Variants in PLCL2 observed in about 807,000 individuals in gnomAD.
The protein encoded by PLCL2 is phospholipase C like 2, also known as inactive phospholipase C-like protein 2.
In PLCL2, 4 loss-of-function variants were observed where a neutral mutation model predicts 79.6. That is an observed-to-expected ratio of 0.05 (90% confidence interval 0.02 to 0.11). The LOEUF is 0.11. Ranked by LOEUF, PLCL2 falls within the 10% of genes least tolerant of loss-of-function variation. The probability of loss-of-function intolerance (pLI) is 1.00; values close to 1 mark genes in which losing one functional copy is unlikely to be tolerated. For missense variants in PLCL2, 895 were observed against 1,291.0 expected, an observed-to-expected ratio of 0.69 and a Z score of 4.70; for synonymous variants, 484 against 457.7, an observed-to-expected ratio of 1.06 and a Z score of -0.73.
At chr3:16,898,823 C>T (rs1422583428) in intron 1 of PLCL2, among the ~76,000 whole-genome samples, 2 of 152,222 alleles carry the variant, frequency 1.3e-5, no homozygotes, top group Non-Finnish European at 2.9e-5. Flanking sequence ...CACTTAAAAC[C>T]TTTCCACACC....
At chr3:17,067,269 A>C (rs769378225) in intron 4 of PLCL2, among the ~76,000 whole-genome samples, 1 of 152,216 alleles carries the variant, frequency 6.6e-6, no homozygotes, top group Non-Finnish European at 1.5e-5. Flanking sequence ...TGGTGTGATT[A>C]GGAATTAAGA....
chr3:16,890,638 C>T lies in PLCL2; in HGVS notation c.327+5272C>T, dbSNP rs376940253. Reference sequence around the variant, plus strand: ...AGTTATTTACTTATCTACCAGACTTCTGGATTACTTTAACTTCTTTTCTGT... The same window carrying T: ...AGTTATTTACTTATCTACCAGACTTTTGGATTACTTTAACTTCTTTTCTGT... On this transcript the variant is annotated intron_variant, in intron 1 of 5. Transcript: ENST00000615277. Among the ~76,000 whole-genome samples, 8 of 152,216 alleles carry T rather than the reference C, an allele frequency of 5.3e-5. No individual in the cohort carries two copies. The East Asian group carries it at 7.7e-4, about 15-fold the overall frequency.
At chr3:17,072,957 T>C (rs892667353) in intron 5 of PLCL2, among the ~76,000 whole-genome samples, 1 of 152,146 alleles carries the variant, frequency 6.6e-6, no homozygotes, top group Non-Finnish European at 1.5e-5. Context: ...TTCTCAGAGT[T>C]TGTAAAATGT....
intron 1 of PLCL2, among the ~76,000 whole-genome samples, chr3:16,944,847 C>T (rs1192008482): frequency 4.0e-5 from 6 of 151,878 alleles, no homozygotes; most frequent in Admixed American, 6.6e-5. Context: ...GGAACCTCCA[C>T]CTCCTGGGTT....
chr3:16,946,953 C>CATTTTTTTTTTT (rs2063606039), intron 1 of PLCL2, among the ~76,000 whole-genome samples: 1 of 95,444 alleles, frequency 1.0e-5, no homozygotes, highest in African/African-American at 4.3e-5. Flanking sequence ...AAGTTTCATT[C>CATTTTTTTTTTT]TTTTTTTTTT....
intron 5 of PLCL2, among the ~76,000 whole-genome samples, chr3:17,072,131 G>C (rs2065065853): frequency 1.3e-5 from 2 of 152,046 alleles, no homozygotes; most frequent in South Asian, 4.1e-4. Flanking sequence ...CTGACTGATA[G>C]AATTCTAATA....
At chr3:17,022,813 A>G (rs1413403791) in intron 3 of PLCL2, among the ~76,000 whole-genome samples, 1 of 152,200 alleles carries the variant, frequency 6.6e-6, no homozygotes, top group Non-Finnish European at 1.5e-5. Context: ...ATCCCAGGTG[A>G]AAAAGAAAAT....
intron 1 of PLCL2, among the ~76,000 whole-genome samples, chr3:16,991,988 G>T (rs2124996319): frequency 6.6e-6 from 1 of 152,256 alleles, no homozygotes; most frequent in South Asian, 2.1e-4. Context: ...TAAGTGCCAT[G>T]AGCCACAGAC....
In PLCL2 at chr3:16,971,813, T is replaced by G. The variant is rs550269623; in HGVS notation, c.328-37861T>G. Among the ~76,000 whole-genome samples the G allele has an allele frequency of 1.5e-4, 23 of 152,342 alleles. 1 individual carries two copies. In the South Asian group the frequency reaches 4.3e-3, roughly 29 times the overall value. On this transcript the variant is annotated intron_variant, in intron 1 of 5. Coordinates refer to ENST00000615277, the MANE Select transcript of PLCL2 (RefSeq NM_001144382.2). Reference sequence around the variant, plus strand: ...GGTATTTTATTCTCTTTGAAGCAATTGTGAATGGGAGTTCACTCATGATTT... The same window carrying G: ...GGTATTTTATTCTCTTTGAAGCAATGGTGAATGGGAGTTCACTCATGATTT...
chr3:17,010,472 A>G lies in PLCL2; in HGVS notation c.1126A>G (p.Ile376Val), dbSNP rs2064309601. 1.2e-6 allele frequency: 2 copies of G among 1,614,140 alleles called. No homozygotes were observed. The highest frequency in any genetic ancestry group is 1.1e-5 in the South Asian group (1 of 91,076). ...TGAGGCAGAACAGGGTGTGGCACAT[A>G]TAAATGAGGAAATAAGCCTTGAAAT... ...FLEAEQGVAH[I>V]NEEISLEIIH... Residue 376 changes from isoleucine (I) to valine (V), a missense_variant, in exon 2 of 6, where the codon ATA becomes GTA. By Grantham distance (29) the Ile-to-Val change is conservative. Transcript: ENST00000615277. This position sits in a 1 kb window ranked among gnomAD's most constrained non-coding sequence, Gnocchi z 5.8.
chr3:16,999,963 G>T (rs1008925734), intron 1 of PLCL2, among the ~76,000 whole-genome samples: 3 of 152,104 alleles, frequency 2.0e-5, no homozygotes, highest in Non-Finnish European at 4.4e-5. Context: ...CTTAGGAAGT[G>T]ATAATCTTCC....
intron 1 of PLCL2, among the ~76,000 whole-genome samples, chr3:16,999,010 GGTC>G (rs200798780): frequency 0.01 from 1,527 of 152,238 alleles, 30 homozygotes; most frequent in African/African-American, 0.035. Flanking sequence ...CTTTGAGTGA[GGTC>G]ATTTGATCAT....
At chr3:17,072,490 G>A (rs1258426443) in intron 5 of PLCL2, among the ~76,000 whole-genome samples, 3 of 151,920 alleles carry the variant, frequency 2.0e-5, no homozygotes, top group South Asian at 2.1e-4. Context: ...CCAACATGAC[G>A]AAACCCCGTC....
At chr3:16,946,972 T>TTTTTTTTTTC (rs2063606747) in intron 1 of PLCL2, among the ~76,000 whole-genome samples, 1 of 147,532 alleles carries the variant, frequency 6.8e-6, no homozygotes, top group Non-Finnish European at 1.5e-5. Flanking sequence ...TTTTTTTTTT[T>TTTTTTTTTTC]TGAGACAGAG....
At chr3:16,919,212 C>G (rs1384175083) in intron 1 of PLCL2, among the ~76,000 whole-genome samples, 1 of 151,980 alleles carries the variant, frequency 6.6e-6, no homozygotes, top group African/African-American at 2.4e-5. Flanking sequence ...TTTAATAGTG[C>G]CTTTATATAC....
chr3:16,929,835 G>A (rs1472477383), intron 1 of PLCL2, among the ~76,000 whole-genome samples: 2 of 152,240 alleles, frequency 1.3e-5, no homozygotes, highest in African/African-American at 4.8e-5. Context: ...CTAGTGAATA[G>A]CTGGCATGCA....
rs143445792 is a variant in PLCL2, at chr3:16,988,724, C to T, written c.328-20950C>T. Among the ~76,000 whole-genome samples, 765 of 152,132 alleles carry T rather than the reference C, an allele frequency of 5.0e-3. 8 individuals carry two copies. Among genetic ancestry groups the T allele is most frequent in the African/African-American group, 0.017 (702 of 41,472 alleles). On this transcript the variant is annotated intron_variant, in intron 1 of 5. Coordinates refer to ENST00000615277, the MANE Select transcript of PLCL2 (RefSeq NM_001144382.2). ...CCTGACTGAGCAAGCTGATTTGTAT[C>T]AACTAGGTAGCTGAAAGTGAAATGT...
At chr3:16,940,531 C>T (rs368132769) in intron 1 of PLCL2, among the ~76,000 whole-genome samples, 55 of 152,216 alleles carry the variant, frequency 3.6e-4, no homozygotes, top group Admixed American at 1.2e-3. Flanking sequence ...AACTACCTAT[C>T]GGATACTGTG....
intron 1 of PLCL2, among the ~76,000 whole-genome samples, chr3:16,891,241 A>G (rs924029125): frequency 1.3e-5 from 2 of 152,186 alleles, no homozygotes; most frequent in Admixed American, 6.5e-5. Context: ...AAGATACTGA[A>G]GTCTGTATGT....
Sources: gnomAD v4.1 joint callset for allele counts (sites outside exome capture counted in the v4.1 genomes callset) on GRCh38, gnomAD v4.1.1 for gene constraint, Gnocchi (gnomAD v3.1) non-coding constraint, MANE v1.5 for transcripts, NCBI Gene and HGNC (gene_info 2026-07-23, HGNC 2026-07-21) for gene names.